The following ZNF532 variants were observed in gnomAD, a reference collection of about 807,000 sequenced individuals.
ZNF532 encodes zinc finger protein 532.
In ZNF532, 22 loss-of-function variants were observed where a neutral mutation model predicts 89.3. That is an observed-to-expected ratio of 0.25 (90% CI 0.18 to 0.35). The LOEUF (loss-of-function observed/expected upper bound fraction) is 0.35. Among genes scored for constraint, ZNF532 ranks in the 10% least tolerant of loss-of-function variants. ZNF532 has a pLI of 1.00. For missense variants in ZNF532, 1,132 were observed against 1,643.4 expected (o/e 0.69, Z 5.38); for synonymous variants, 606 against 649.6 (o/e 0.93, Z 1.02).
chr18:58,983,360 A>G (rs756237816), intron 9 of ZNF532, among the ~76,000 whole-genome samples: 3 of 151,508 alleles, frequency 2.0e-5, no homozygotes, highest in African/African-American at 4.9e-5. Context: ...AAATCCTGAC[A>G]CTCTCTCCCA....
At chr18:58,971,020 C>G (rs1603326061) in intron 7 of ZNF532, among the ~76,000 whole-genome samples, 1 of 152,224 alleles carries the variant, frequency 6.6e-6, no homozygotes, top group African/African-American at 2.4e-5. Context: ...GCCATCTGCT[C>G]CGGATTTGGC....
chr18:58,884,930 C>G (rs908356169), intron 2 of ZNF532, among the ~76,000 whole-genome samples: 3 of 150,760 alleles, frequency 2.0e-5, no homozygotes, highest in African/African-American at 7.3e-5. Flanking sequence ...TAGACCGTTT[C>G]AGTATTTCTA....
intron 2 of ZNF532, among the ~76,000 whole-genome samples, chr18:58,888,729 T>TATATATATATATTTTATATATATATAAA (rs1568245163): frequency 1.1e-3 from 5 of 4,460 alleles, no homozygotes; most frequent in South Asian, 0.01. Context: ...ATATATAAAT[T>TATATATATATATTTTATATATATATAAA]ATATATATAT....
intron 5 of ZNF532, among the ~76,000 whole-genome samples, chr18:58,944,018 G>A (rs1405877661): frequency 6.6e-6 from 1 of 152,140 alleles, no homozygotes; most frequent in African/African-American, 2.4e-5. Context: ...TTGAACTTTA[G>A]CCCTAGAATC....
intron 2 of ZNF532, among the ~76,000 whole-genome samples, chr18:58,917,074 C>T (rs1401741386): frequency 3.3e-5 from 5 of 152,200 alleles, no homozygotes; most frequent in Admixed American, 3.3e-4. Flanking sequence ...TACCCTCTTC[C>T]CTTCCGACTG....
At chr18:58,895,853 CTTTCT>C (rs1334544501) in intron 2 of ZNF532, among the ~76,000 whole-genome samples, 50 of 147,796 alleles carry the variant, frequency 3.4e-4, no homozygotes, top group African/African-American at 1.2e-3. Flanking sequence ...TTCTTTCTTT[CTTTCT>C]TTTTTTTTTT....
In ZNF532 at chr18:58,919,222, A is replaced by C. The variant is rs1407430788; in HGVS notation, c.935A>C (p.Asp312Ala). Residue 312 changes from aspartate (D) to alanine (A), a missense_variant, in exon 3 of 10, where the codon GAC (aspartate) becomes GCC (alanine). Coordinates refer to ENST00000591808, the MANE Select transcript of ZNF532 (RefSeq NM_001375912.1). The surrounding 1 kb of genome is among the most constrained non-coding windows in gnomAD (Gnocchi z 6.1). ...KEVNDSPRAA[D>A]KSPESQNLID... is the part of the protein sequence containing the mutation. The stretch of plus-strand genomic sequence containing the variant: ...GTAAATGACAGTCCGAGAGCCGCTG[A>C]CAAGTCTCCTGAATCCCAGAATCTC... 6.2e-7 allele frequency: 1 copy of C among 1,613,988 alleles called. No homozygotes were observed. Among genetic ancestry groups the C allele is most frequent in the Non-Finnish European group, 8.5e-7 (1 of 1,179,962 alleles).
chr18:58,980,559 AC>A (rs1351317080), intron 8 of ZNF532: 1 of 152,184 alleles, frequency 6.6e-6, no homozygotes, highest in Non-Finnish European at 1.5e-5. Flanking sequence ...CAGATTTGAG[AC>A]CACAAGAGAC....
chr18:58,939,869 ATATT>A (rs1341870337), intron 5 of ZNF532: 6 of 301,236 alleles, frequency 2.0e-5, no homozygotes, highest in Non-Finnish European at 3.0e-5. Flanking sequence ...CAACAAGTAA[ATATT>A]TATATTTTTT....
chr18:58,939,260 A>AAAC (rs1692772664), intron 4 of ZNF532, among the ~76,000 whole-genome samples, 185 bp from the exon 5 acceptor site: 1 of 148,798 alleles, frequency 6.7e-6, no homozygotes, highest in Non-Finnish European at 1.5e-5. Context: ...AAAAAAAAAA[A>AAAC]AAAAAAAAAA....
chr18:58,963,020 C>T (rs2065519649), intron 7 of ZNF532, among the ~76,000 whole-genome samples: 1 of 152,114 alleles, frequency 6.6e-6, no homozygotes, highest in Non-Finnish European at 1.5e-5. Flanking sequence ...TGCTGTGGCC[C>T]TCACTGTGTG....
intron 7 of ZNF532, among the ~76,000 whole-genome samples, chr18:58,963,561 C>CT (rs1431090918): frequency 2.0e-5 from 3 of 150,666 alleles, no homozygotes; most frequent in Non-Finnish European, 4.4e-5. Context: ...GACTGAGGAG[C>CT]TTTACAGAGA....
chr18:58,906,093 G>A (rs1202502696), intron 2 of ZNF532, among the ~76,000 whole-genome samples: 2 of 152,146 alleles, frequency 1.3e-5, no homozygotes, highest in Admixed American at 1.3e-4. Flanking sequence ...TGACCACCTG[G>A]CTGAGGTTGT....
At chr18:58,954,912 A>G (rs1220231795) in intron 7 of ZNF532, among the ~76,000 whole-genome samples, 1 of 151,972 alleles carries the variant, frequency 6.6e-6, no homozygotes, top group East Asian at 1.9e-4. Context: ...ATGGGATTTT[A>G]CCAGGTTGGC....
chr18:58,928,468 A>C (rs866956995), intron 3 of ZNF532, among the ~76,000 whole-genome samples: 1 of 152,212 alleles, frequency 6.6e-6, no homozygotes, highest in Non-Finnish European at 1.5e-5. Flanking sequence ...GTTGGAATAT[A>C]TGGTTTTAGC....
chr18:58,970,238 A>T (rs1488216575), intron 7 of ZNF532, among the ~76,000 whole-genome samples: 1 of 152,162 alleles, frequency 6.6e-6, no homozygotes, highest in African/African-American at 2.4e-5. Flanking sequence ...AATCTTTCAC[A>T]GTGACCTTTT....
upstream of ZNF532, chr18:58,863,178 C>T (rs956735831): frequency 6.6e-6 from 1 of 152,240 alleles, no homozygotes; most frequent in Non-Finnish European, 1.5e-5. Flanking sequence ...TAAGTCGCGG[C>T]TTGGGGCCAC....
Position 58,875,521 on chromosome 18 carries a change from G to A in ZNF532, c.-18+9942G>A, listed in dbSNP as rs1056229043. Among the ~76,000 whole-genome samples the A allele has an allele frequency of 2.6e-5, 4 of 152,060 alleles. 1 individual carries two copies. Among genetic ancestry groups the A allele is most frequent in the Admixed American group, 1.3e-4 (2 of 15,250 alleles). On this transcript the variant is annotated intron_variant, in intron 2 of 9. Coordinates refer to ENST00000591808, the MANE Select transcript of ZNF532 (RefSeq NM_001375912.1). ...TGTTAACAAAGATAGTGCTAGTTTG[G>A]CCCCTTTTTCTCTCTCAGGTGTTCC...
intron 2 of ZNF532, among the ~76,000 whole-genome samples, chr18:58,912,611 G>A (rs564103759): frequency 1.2e-4 from 18 of 152,254 alleles, no homozygotes; most frequent in African/African-American, 4.1e-4. Flanking sequence ...CCTGCAAGGT[G>A]CTCTGGGCTG....
Sources: gnomAD v4.1 joint callset for allele counts (sites outside exome capture counted in the v4.1 genomes callset) on GRCh38, gnomAD v4.1.1 for gene constraint, Gnocchi (gnomAD v3.1) non-coding constraint, MANE v1.5 for transcripts, NCBI Gene and HGNC (gene_info 2026-07-23, HGNC 2026-07-21) for gene names.